Variants in ASB11 observed in about 807,000 individuals in gnomAD.
ASB11 encodes ankyrin repeat and SOCS box containing 11.
In ASB11, 17 loss-of-function variants were observed where a neutral mutation model predicts 20.1. The observed-to-expected ratio is 0.85, with a 90% confidence interval of 0.58 to 1.27. The LOEUF (loss-of-function observed/expected upper bound fraction) is 1.27, where lower values mean the gene tolerates loss of function less well. Ranked by LOEUF, ASB11 falls within the 50% of genes most tolerant of loss-of-function variation. The probability of loss-of-function intolerance (pLI) is 0.00; values close to 1 mark genes in which losing one functional copy is unlikely to be tolerated. For missense variants in ASB11, 259 were observed against 256.9 expected (o/e 1.01, Z -0.06); for synonymous variants, 107 against 105.6 (o/e 1.01, Z -0.08).
rs778192709 is a variant in ASB11 at position 15,310,935 on chromosome X, C to T, written c.181+4490G>A. On this transcript the variant is annotated intron_variant, in intron 1 of 6. Coordinates refer to ENST00000480796, the MANE Select transcript of ASB11 (RefSeq NM_080873.3). The stretch of plus-strand genomic sequence containing the variant: ...CCAGGAGGCAGAGGTTGCAGTGAGC[C>T]GAGATCACATCACTGCACTCCAGCT... 3.7e-4 allele frequency among the ~76,000 whole-genome samples: 41 copies of T among 111,387 alleles called. No homozygotes were observed. The South Asian group carries it at 0.014, about 39-fold the overall frequency.
intron 4 of ASB11, among the ~76,000 whole-genome samples, chrX:15,290,911 C>G (rs1927515737): frequency 9.0e-6 from 1 of 111,440 alleles, no homozygotes; most frequent in Non-Finnish European, 1.9e-5. Flanking sequence ...CAAACTATGA[C>G]TCAGCTTGTT....
chrX:15,290,696 C>T (rs145982537), intron 4 of ASB11, among the ~76,000 whole-genome samples: 306 of 111,991 alleles, frequency 2.7e-3, no homozygotes, highest in African/African-American at 9.1e-3. Flanking sequence ...AAAATCATGT[C>T]ATTACTAATT....
chrX:15,298,945 G>A (rs970835784), intron 2 of ASB11, among the ~76,000 whole-genome samples: 1 of 111,102 alleles, frequency 9.0e-6, no homozygotes, highest in African/African-American at 3.3e-5. Flanking sequence ...CCAGGTATGA[G>A]TGCCTCCACC....
intron 3 of ASB11, among the ~76,000 whole-genome samples, chrX:15,295,109 C>T (rs1920955896): frequency 9.1e-6 from 1 of 109,551 alleles, no homozygotes; most frequent in Non-Finnish European, 1.9e-5. Context: ...GTGGTGTGAT[C>T]TCGGCTCACT....
In ASB11 at chrX:15,283,613, G is replaced by C; in HGVS notation, c.864C>G (p.Ser288=). Reference sequence around the variant, plus strand: ...TCCGGACACACAGGCGGCAGAGCTGGGAAAGAGCAGGTGGGCCTGAGAGAG... The same window carrying C: ...TCCGGACACACAGGCGGCAGAGCTGCGAAAGAGCAGGTGGGCCTGAGAGAG... ...LLLREGPPAL[S]QLCRLCVRKC... is the part of the protein sequence containing the mutation. Residue 288 remains serine (S), a synonymous_variant, in exon 7 of 7, where the codon TCC becomes TCG. Coordinates refer to ENST00000480796, the MANE Select transcript of ASB11 (RefSeq NM_080873.3). 1.7e-6 allele frequency: 2 copies of C among 1,210,410 alleles called. 1 individual carries two copies. The highest frequency in any genetic ancestry group is 3.5e-5 in the South Asian group (2 of 56,859).
rs140293526 is a variant in ASB11 at position 15,300,195 on chromosome X, A to C, written c.262-2514T>G. On this transcript the variant is annotated intron_variant, in intron 2 of 6. Transcript: ENST00000480796. ...ACGGTGCAAAATCTCAGAATCCCTG[A>C]AATTGTAGAAATGTGATGCTGGAAA... Among the ~76,000 whole-genome samples, 795 of 112,549 alleles carry C rather than the reference A, an allele frequency of 7.1e-3. 9 individuals are homozygous for C. The highest frequency in any genetic ancestry group is 0.024 in the African/African-American group (751 of 30,973).
chrX:15,286,663 C>CAAAAAAAAAAAAAAAAAAAAAAAAAA, intron 6 of ASB11, among the ~76,000 whole-genome samples: 1 of 54,373 alleles, frequency 1.8e-5, no homozygotes, highest in African/African-American at 7.7e-5. Flanking sequence ...GACTCCATCT[C>CAAAAAAAAAAAAAAAAAAAAAAAAAA]AAAAAAAAAA....
rs1031381638 is a variant in ASB11, at chrX:15,302,765, T to C, written c.224A>G (p.Gln75Arg). The change falls in exon 2 of 7, where the codon CAG (glutamine) becomes CGG (arginine). Residue 75 changes from glutamine to arginine, a missense_variant. Gln to Arg is a conservative substitution (Grantham distance 43). Transcript: ENST00000480796. ...DRSPLHEAAAQGRLLALKTLI... is the reference protein window; with the variant it reads ...DRSPLHEAAARGRLLALKTLI... ...AGTTTTAAGGGCCAGTAAGCGCCCC[T>C]GAGCTGCAGCTTCATGAAGTGGGGA... The C allele has an allele frequency of 3.3e-6, 4 of 1,209,309 alleles. No individual in the cohort carries two copies. The highest frequency in any genetic ancestry group is 3.5e-5 in the South Asian group (2 of 56,806).
intron 6 of ASB11, among the ~76,000 whole-genome samples, chrX:15,285,991 G>T (rs1166940945): frequency 9.1e-6 from 1 of 110,167 alleles, no homozygotes; most frequent in East Asian, 2.9e-4. Flanking sequence ...GGCAACAAGA[G>T]CAAAACTCCG....
intron 1 of ASB11, chrX:15,314,307 T>G: frequency 9.1e-7 from 1 of 1,094,275 alleles, no homozygotes; most frequent in Non-Finnish European, 1.2e-6. Flanking sequence ...CATGCTTAAC[T>G]TGAAACTTAT....
In ASB11 at chrX:15,288,902, T is replaced by C. The variant is rs777861666; in HGVS notation, c.655+602A>G. Among the ~76,000 whole-genome samples, 34 of 111,085 alleles carry C rather than the reference T, an allele frequency of 3.1e-4. No homozygotes were observed. In the South Asian group the frequency reaches 0.011, roughly 37 times the overall value. The stretch of plus-strand genomic sequence containing the variant: ...CTTCATCTCAAAAAAAAAAAAGATA[T>C]TTCATTTTTCCACGGACTCTTGGTT... On this transcript the variant is annotated intron_variant, in intron 5 of 6. Coordinates refer to ENST00000480796, the MANE Select transcript of ASB11 (RefSeq NM_080873.3).
chrX:15,284,457 T>C (rs1445201508), intron 6 of ASB11, among the ~76,000 whole-genome samples: 2 of 110,573 alleles, frequency 1.8e-5, no homozygotes, highest in East Asian at 5.7e-4. Flanking sequence ...TATTCAGCCC[T>C]CAAAGTACTC....
chrX:15,310,785 C>T (rs1004794453), intron 1 of ASB11, among the ~76,000 whole-genome samples: 3 of 111,767 alleles, frequency 2.7e-5, no homozygotes, highest in Non-Finnish European at 5.6e-5. Context: ...GTCAGGAGTT[C>T]GAGACCAGCC....
At chrX:15,314,587 T>G (rs1186395027) in intron 1 of ASB11, 21 of 979,316 alleles carry the variant, frequency 2.1e-5, no homozygotes, top group Non-Finnish European at 2.7e-5. Flanking sequence ...TAAGACTATT[T>G]TGAAAGAGAA....
chrX:15,303,277 G>A (rs1335251583), intron 1 of ASB11, among the ~76,000 whole-genome samples: 4 of 110,897 alleles, frequency 3.6e-5, no homozygotes, highest in Non-Finnish European at 5.7e-5. Flanking sequence ...TCCCTGGGCC[G>A]CATTGGAAGG....
intron 1 of ASB11, among the ~76,000 whole-genome samples, chrX:15,303,049 G>A (rs1921125752): frequency 9.0e-6 from 1 of 111,707 alleles, no homozygotes; most frequent in Non-Finnish European, 1.9e-5. Context: ...TGGCTTTTGG[G>A]AGGCAATTTT....
chrX:15,285,069 T>C (rs2147683405), intron 6 of ASB11, among the ~76,000 whole-genome samples: 1 of 110,949 alleles, frequency 9.0e-6, no homozygotes, highest in East Asian at 2.8e-4. Flanking sequence ...AATGGTAATG[T>C]AGACAAATTG....
chrX:15,309,446 A>G (rs1045609525), intron 1 of ASB11, among the ~76,000 whole-genome samples: 3 of 109,453 alleles, frequency 2.7e-5, no homozygotes, highest in South Asian at 4.0e-4. Context: ...GCTCCCACAG[A>G]TTCTACATTA....
chrX:15,288,539 T>C (rs1308199286), intron 5 of ASB11, among the ~76,000 whole-genome samples: 1 of 111,977 alleles, frequency 8.9e-6, no homozygotes, highest in Non-Finnish European at 1.9e-5. Context: ...TCCACCTTTA[T>C]GTCAGGGGCT....
Sources: allele counts gnomAD v4.1 joint callset (sites outside exome capture counted in the v4.1 genomes callset), GRCh38; gene constraint gnomAD v4.1.1; transcripts MANE v1.5; gene names NCBI Gene and HGNC (gene_info 2026-07-23, HGNC 2026-07-21).